Variants in RAB14 observed in about 807,000 individuals in gnomAD.
RAB14 encodes RAB14, member RAS oncogene family.
Under a neutral mutation model 31.1 loss-of-function variants are expected in RAB14, and 3 were observed. The ratio of observed to expected loss-of-function variants is 0.10; its 90% CI spans 0.04 to 0.25. The LOEUF (loss-of-function observed/expected upper bound fraction) is 0.25, where lower values mean the gene tolerates loss of function less well. Ranked by LOEUF, RAB14 falls within the 10% of genes least tolerant of loss-of-function variation. The probability of loss-of-function intolerance (pLI) is 1.00; values close to 1 mark genes in which losing one functional copy is unlikely to be tolerated. For synonymous variants in RAB14, 85 were observed against 84.9 expected, an observed-to-expected ratio of 1.00 and a Z score of 0.00; for missense variants, 111 against 260.1, an observed-to-expected ratio of 0.43 and a Z score of 3.94.
intron 1 of RAB14, among the ~76,000 whole-genome samples, chr9:121,200,779 T>G (rs2053762171): frequency 6.6e-6 from 1 of 152,168 alleles, no homozygotes; most frequent in African/African-American, 2.4e-5. Context: ...CATCACAACT[T>G]TAGGCCTCAG....
chr9:121,186,030 A>C (rs2053657311), intron 5 of RAB14, among the ~76,000 whole-genome samples: 1 of 152,202 alleles, frequency 6.6e-6, no homozygotes, highest in Non-Finnish European at 1.5e-5. Flanking sequence ...ACCACTGATA[A>C]CACAGTTCTT....
intron 3 of RAB14, 86 bp downstream of exon 3, chr9:121,192,085 A>C (rs1327679870): frequency 9.9e-7 from 1 of 1,005,064 alleles, no homozygotes; most frequent in Non-Finnish European, 1.5e-6. Context: ...TAAATGCATG[A>C]AGTATACTGA....
chr9:121,198,837 G>C (rs1021432748), intron 1 of RAB14, among the ~76,000 whole-genome samples: 2 of 152,066 alleles, frequency 1.3e-5, no homozygotes, highest in African/African-American at 4.8e-5. Context: ...TACCTGATTT[G>C]TCAGTCAGGC....
chr9:121,182,898 A>G (rs1438775645), intron 7 of RAB14, 32 bp downstream of exon 7: 1 of 1,581,102 alleles, frequency 6.3e-7, no homozygotes, highest in Non-Finnish European at 8.7e-7. Context: ...ACTTGAATAT[A>G]ATTGAAATAT....
chr9:121,192,199 G>T lies in RAB14; in HGVS notation c.78C>A (p.Cys26Ter). The change falls in exon 3 of 8, where the codon TGC becomes TGA. Residue 26 changes from cysteine (C) to a stop codon, truncating the protein, a stop_gained. Coordinates refer to ENST00000373840, the MANE Select transcript of RAB14 (RefSeq NM_016322.4). LOFTEE classifies it high-confidence loss of function. ...TTTTTTCTGTAAATTGATGAAGCAA[G>T]CAAGATTTTCCTACTCCCATGTCCC... ...IIGDMGVGKS[C>*]LLHQFTEKKF... 6.3e-7 allele frequency: 1 copy of T among 1,598,740 alleles called. No homozygotes were observed.
rs538022964 is a variant in RAB14, at chr9:121,201,090, C to G, written c.-8+549G>C. 1.4e-4 allele frequency among the ~76,000 whole-genome samples: 21 copies of G among 152,178 alleles called. No individual in the cohort carries two copies. In the South Asian group the frequency reaches 4.4e-3, roughly 32 times the overall value. ...CCCCGGCCCGGCCCGGCTGCAGGGCCGGGCTCCCCACATCGACAAGGACAC... is the reference window on the plus strand; with the variant it reads ...CCCCGGCCCGGCCCGGCTGCAGGGCGGGGCTCCCCACATCGACAAGGACAC... On this transcript the variant is annotated intron_variant, in intron 1 of 7. Transcript: ENST00000373840.
intron 3 of RAB14, 69 bp downstream of exon 3, chr9:121,192,102 C>T: frequency 8.1e-7 from 1 of 1,227,322 alleles, no homozygotes; most frequent in Non-Finnish European, 1.2e-6. Context: ...CTGAAAATGA[C>T]ACTTTCTAAA....
intron 2 of RAB14, among the ~76,000 whole-genome samples, chr9:121,192,425 T>C (rs1411718711): frequency 6.6e-6 from 1 of 152,136 alleles, no homozygotes; most frequent in Non-Finnish European, 1.5e-5. Flanking sequence ...AGTGACAGAA[T>C]TTGGCTGTAA....
At chr9:121,186,122 C>A (rs1260513924) in intron 5 of RAB14, among the ~76,000 whole-genome samples, 1 of 152,100 alleles carries the variant, frequency 6.6e-6, no homozygotes, top group Non-Finnish European at 1.5e-5. Context: ...AGTCACAGCT[C>A]AGTGTGTCTT....
intron 1 of RAB14, among the ~76,000 whole-genome samples, chr9:121,199,205 T>C (rs1446551701): frequency 1.3e-5 from 2 of 152,224 alleles, no homozygotes; most frequent in Non-Finnish European, 2.9e-5. Flanking sequence ...TGTCTGAGAT[T>C]TGCTTCAAAA....
chr9:121,190,147 CA>C (rs1367273048), intron 4 of RAB14, among the ~76,000 whole-genome samples: 5 of 152,080 alleles, frequency 3.3e-5, no homozygotes, highest in Non-Finnish European at 7.4e-5. Flanking sequence ...GCTGGACTAG[CA>C]AAACTCTTTG....
At position 121,181,334 on chromosome 9, in the gene RAB14, A is replaced by G; in HGVS notation, c.*62T>C. The G allele has an allele frequency of 1.4e-6, 2 of 1,427,456 alleles. No homozygotes were observed. The highest frequency in any genetic ancestry group is 9.4e-7 in the Non-Finnish European group (1 of 1,063,384). 88.4% of individuals were successfully genotyped at this position (1,427,456 alleles called of 1,614,324 possible). A position where few individuals can be genotyped will look rare whatever the true frequency, so the allele number is the denominator to read the frequency against. On this transcript the variant is annotated 3_prime_UTR_variant, in exon 8 of 8. Coordinates refer to ENST00000373840, the MANE Select transcript of RAB14 (RefSeq NM_016322.4). ...TGTACAGAAGACAATGAGGCAGTAA[A>G]AAGTACTGCTTCCAACAGACAGAGG...
At chr9:121,190,821 C>T in intron 3 of RAB14, 90 bp from the exon 4 acceptor site, 1 of 1,206,310 alleles carries the variant, frequency 8.3e-7, no homozygotes, top group Non-Finnish European at 1.2e-6. Context: ...AAGCAAATGG[C>T]TTACTAATAC....
intron 5 of RAB14, among the ~76,000 whole-genome samples, chr9:121,185,390 G>GATTTCAGTTTTATATATAT (rs1240192789): frequency 6.6e-6 from 1 of 152,118 alleles, no homozygotes; most frequent in Non-Finnish European, 1.5e-5. Context: ...CCCTTATTCA[G>GATTTCAGTTTTATATATAT]ATTTCAGTTT....
intron 5 of RAB14, among the ~76,000 whole-genome samples, chr9:121,185,758 T>A (rs567658054): frequency 2.0e-5 from 3 of 152,288 alleles, no homozygotes; most frequent in Non-Finnish European, 4.4e-5. Context: ...TACGGCTTAG[T>A]AGTACTCCAC....
intron 1 of RAB14, among the ~76,000 whole-genome samples, chr9:121,198,479 A>T (rs1368850240): frequency 2.0e-5 from 3 of 152,182 alleles, no homozygotes; most frequent in Non-Finnish European, 2.9e-5. Context: ...AGAACCTATG[A>T]TGTTACTGTA....
Position 121,186,846 on chromosome 9 carries a change from T to G in RAB14, c.351+107A>C, listed in dbSNP as rs145269731. The G allele has an allele frequency of 5.0e-4, 300 of 598,356 alleles. 1 individual carries two copies. The African/African-American group carries it at 5.1e-3, about 10-fold the overall frequency. 37.1% of individuals were successfully genotyped at this position (598,356 alleles called of 1,614,324 possible). On this transcript the variant is annotated intron_variant, in intron 5 of 7. Transcript: ENST00000373840. ...TAATTGAAGAATACAATAAAAATTC[T>G]CTCATTCTTAGTACCTGAAGACAAA... is the stretch of plus-strand genomic sequence containing the variant.
chr9:121,186,940 C>T lies in RAB14; in HGVS notation c.351+13G>A. On this transcript the variant is annotated intron_variant, in intron 5 of 7. Coordinates refer to ENST00000373840, the MANE Select transcript of RAB14 (RefSeq NM_016322.4). Reference sequence around the variant, plus strand: ...CTTAAATTTTCTGTGTAATAAGATGCCATTTAACTTACAGTATTTGGATTG... The same window carrying T: ...CTTAAATTTTCTGTGTAATAAGATGTCATTTAACTTACAGTATTTGGATTG... The T allele has an allele frequency of 1.3e-6, 2 of 1,511,092 alleles. No individual in the cohort carries two copies. The highest frequency in any genetic ancestry group is 1.8e-6 in the Non-Finnish European group (2 of 1,127,430). 93.6% of individuals were successfully genotyped at this position (1,511,092 alleles called of 1,614,324 possible).
At chr9:121,183,226 G>GT in intron 6 of RAB14, 85 bp downstream of exon 6, 1 of 952,950 alleles carries the variant, frequency 1.0e-6, no homozygotes, top group South Asian at 1.5e-5. Flanking sequence ...AAAAAAAAAT[G>GT]CAAAAAAAAA....
Sources: gnomAD v4.1 joint callset for allele counts (sites outside exome capture counted in the v4.1 genomes callset) on GRCh38, gnomAD v4.1.1 for gene constraint, MANE v1.5 for transcripts, NCBI Gene and HGNC (gene_info 2026-07-23, HGNC 2026-07-21) for gene names.